The following SLC7A7 variants were observed in gnomAD, a reference collection of about 807,000 sequenced individuals.
The protein encoded by SLC7A7 is solute carrier family 7 member 7.
Under a neutral mutation model 47.9 loss-of-function variants are expected in SLC7A7, and 39 were observed. The ratio of observed to expected loss-of-function variants is 0.81; its 90% CI spans 0.63 to 1.06. SLC7A7 has a LOEUF of 1.06. SLC7A7 is among the 50% of genes least tolerant of loss of function. The pLI, the probability that SLC7A7 is intolerant of heterozygous loss-of-function variation, is 0.00. For missense variants in SLC7A7, 588 were observed against 632.0 expected, an observed-to-expected ratio of 0.93 and a Z score of 0.75; for synonymous variants, 234 against 242.8, an observed-to-expected ratio of 0.96 and a Z score of 0.34.
chr14:22,801,861 C>T (rs537028911), intron 2 of SLC7A7, among the ~76,000 whole-genome samples: 2 of 152,324 alleles, frequency 1.3e-5, no homozygotes, highest in South Asian at 2.1e-4. Flanking sequence ...CACACACCCA[C>T]GCACACACAT....
chr14:22,815,319 C>G lies in SLC7A7; in HGVS notation c.-43+1G>C, dbSNP rs2039389517. On this transcript the variant is annotated splice_donor_variant, in intron 1 of 9. Transcript: ENST00000674313. LOFTEE classifies it low-confidence loss of function (5UTR_SPLICE). ...GAGAAGAGGGTGGAACGCACACTCACTCCTTGGTCCTGGATATAAGCAGGT... is the reference window on the plus strand; with the variant it reads ...GAGAAGAGGGTGGAACGCACACTCAGTCCTTGGTCCTGGATATAAGCAGGT... The G allele has an allele frequency of 2.2e-6, 1 of 453,370 alleles. No individual in the cohort carries two copies. Among genetic ancestry groups the G allele is most frequent in the Non-Finnish European group, 4.4e-6 (1 of 225,956 alleles). The allele number at this position is 453,370 out of a possible 1,614,324, so 28.1% of individuals were successfully genotyped here.
upstream of SLC7A7, among the ~76,000 whole-genome samples, chr14:22,817,529 C>T (rs935875549): frequency 6.6e-6 from 1 of 152,042 alleles, no homozygotes; most frequent in Admixed American, 6.6e-5. Flanking sequence ...TTAGTAGAGT[C>T]GGGGTTTCAC....
intron 2 of SLC7A7, among the ~76,000 whole-genome samples, chr14:22,793,162 C>T (rs2038956756): frequency 6.6e-6 from 1 of 151,862 alleles, no homozygotes; most frequent in Non-Finnish European, 1.5e-5. Context: ...CGTAATCCGC[C>T]CGCCTCGGCT....
At chr14:22,797,737 G>A (rs970269911) in intron 2 of SLC7A7, among the ~76,000 whole-genome samples, 3 of 152,096 alleles carry the variant, frequency 2.0e-5, no homozygotes, top group African/African-American at 4.8e-5. Context: ...AGCAATGAAT[G>A]AAGTCAACCA....
Position 22,778,898 on chromosome 14 carries a change from G to C in SLC7A7, c.665C>G (p.Ser222Ter). 1 of 1,614,162 alleles carries C rather than the reference G, an allele frequency of 6.2e-7. No individual in the cohort carries two copies. Among genetic ancestry groups the C allele is most frequent in the Non-Finnish European group, 8.5e-7 (1 of 1,180,044 alleles). The change falls in exon 4 of 10, where the codon TCA (serine) becomes TGA (stop). Residue 222 changes from serine to a stop codon, truncating the protein, a stop_gained. Coordinates refer to ENST00000674313, the MANE Select transcript of SLC7A7 (RefSeq NM_003982.4). LOFTEE classifies it high-confidence loss of function. Reference protein sequence around the residue: ...THFENSFEGSSFAVGDIALAL... With the variant: ...THFENSFEGS Reference sequence around the variant, plus strand: ...CAGGGCAATGTCACCCACTGCAAATGATGAACCCTCAAAGGAATTCTCAAA... The same window carrying C: ...CAGGGCAATGTCACCCACTGCAAATCATGAACCCTCAAAGGAATTCTCAAA...
At chr14:22,786,901 A>T (rs552238463) in intron 2 of SLC7A7, among the ~76,000 whole-genome samples, 1 of 152,286 alleles carries the variant, frequency 6.6e-6, no homozygotes, top group Non-Finnish European at 1.5e-5. Context: ...GCACCACTGC[A>T]CTGCAGCCTG....
chr14:22,785,493 C>T lies in SLC7A7; in HGVS notation c.500-5442G>A, dbSNP rs35698214. Among the ~76,000 whole-genome samples, 493 of 149,084 alleles carry T rather than the reference C, an allele frequency of 3.3e-3. 4 individuals are homozygous for T. Among genetic ancestry groups the T allele is most frequent in the African/African-American group, 0.012 (475 of 40,474 alleles). ...CTGTAATCCCAGCACTTTGGGAGGC[C>T]AAGGCGGGCAGATCATCTGAGGTTG... On this transcript the variant is annotated intron_variant, in intron 2 of 9. Transcript: ENST00000674313.
At chr14:22,780,812 T>C (rs1384275945) in intron 2 of SLC7A7, among the ~76,000 whole-genome samples, 1 of 152,170 alleles carries the variant, frequency 6.6e-6, no homozygotes, top group Non-Finnish European at 1.5e-5. Flanking sequence ...TCCATATGAA[T>C]ACAGACATAC....
In SLC7A7 at chr14:22,805,870, C is replaced by A. The variant is rs190479237; in HGVS notation, c.499+7030G>T. Among the ~76,000 whole-genome samples, 602 of 152,182 alleles carry A rather than the reference C, an allele frequency of 4.0e-3. 2 individuals are homozygous for A. Among genetic ancestry groups the A allele is most frequent in the African/African-American group, 0.014 (575 of 41,532 alleles). On this transcript the variant is annotated intron_variant, in intron 2 of 9. Transcript: ENST00000674313. ...CTGTACATACATCAAAGGCCGAGGG[C>A]GGTGGCTCACGCCTGTAATCCCAGC... is the stretch of plus-strand genomic sequence containing the variant.
upstream of SLC7A7, among the ~76,000 whole-genome samples, chr14:22,817,439 A>G (rs1299524704): frequency 6.6e-6 from 1 of 152,144 alleles, no homozygotes; most frequent in Non-Finnish European, 1.5e-5. Context: ...TACTGGGTTC[A>G]AGCAATTCTC....
chr14:22,792,867 A>AAGAGAGAGAGAGAGAGAGAGAGAGAGAG (rs113285148), intron 2 of SLC7A7, among the ~76,000 whole-genome samples: 40 of 122,544 alleles, frequency 3.3e-4, no homozygotes, highest in Non-Finnish European at 5.4e-4. Flanking sequence ...CAAAGAAAGA[A>AAGAGAGAGAGAGAGAGAGAGAGAGAGAG]AGAGAGAGAG....
intron 1 of SLC7A7, among the ~76,000 whole-genome samples, chr14:22,814,425 G>C (rs541666165): frequency 6.6e-6 from 1 of 151,856 alleles, no homozygotes; most frequent in African/African-American, 2.4e-5. Flanking sequence ...CAGAGGTTGC[G>C]GTAAGCTAAG....
At chr14:22,819,469 C>T (rs2039447719), upstream of SLC7A7, among the ~76,000 whole-genome samples, 1 of 151,910 alleles carries the variant, frequency 6.6e-6, no homozygotes, top group Non-Finnish European at 1.5e-5. Flanking sequence ...GCCAGGGCTT[C>T]CATTAAGGAA....
intron 2 of SLC7A7, among the ~76,000 whole-genome samples, chr14:22,784,774 C>A (rs1211402238): frequency 1.3e-5 from 2 of 152,158 alleles, no homozygotes; most frequent in Non-Finnish European, 2.9e-5. Context: ...AAGCACCAGA[C>A]CAGGTGGATC....
At chr14:22,785,916 GGAGGCT>G (rs1182422274) in intron 2 of SLC7A7, among the ~76,000 whole-genome samples, 1 of 151,786 alleles carries the variant, frequency 6.6e-6, no homozygotes, top group African/African-American at 2.4e-5. Context: ...CAGACACTCA[GGAGGCT>G]GAGGCAGGAG....
upstream of SLC7A7, chr14:22,815,848 G>A (rs949683527): frequency 2.7e-6 from 1 of 369,658 alleles, no homozygotes; most frequent in Non-Finnish European, 5.4e-6. Flanking sequence ...ATTTAAGAAA[G>A]GGAGGAAGGT....
At chr14:22,797,544 T>C (rs1270439728) in intron 2 of SLC7A7, among the ~76,000 whole-genome samples, 3 of 152,072 alleles carry the variant, frequency 2.0e-5, no homozygotes, top group Admixed American at 2.0e-4. Flanking sequence ...AATCAGTTGC[T>C]ATGAAAGTCA....
chr14:22,807,816 A>G (rs1428145217), intron 2 of SLC7A7, among the ~76,000 whole-genome samples: 2 of 152,108 alleles, frequency 1.3e-5, no homozygotes, highest in Non-Finnish European at 1.5e-5. Flanking sequence ...CAGCTCAGAC[A>G]CCATGTTCTC....
At chr14:22,805,498 C>G (rs74712283) in intron 2 of SLC7A7, among the ~76,000 whole-genome samples, 3 of 152,196 alleles carry the variant, frequency 2.0e-5, no homozygotes, top group Non-Finnish European at 2.9e-5. Flanking sequence ...TTATCCTCAG[C>G]AAACTAATGT....
Sources: allele counts gnomAD v4.1 joint callset (sites outside exome capture counted in the v4.1 genomes callset), GRCh38; gene constraint gnomAD v4.1.1; transcripts MANE v1.5; gene names NCBI Gene and HGNC (gene_info 2026-07-23, HGNC 2026-07-21).